FRMD4B: variants seen among roughly 807,000 people sequenced by gnomAD.
The protein encoded by FRMD4B is FERM domain-containing protein 4B.
In FRMD4B, 74 loss-of-function variants were observed where a neutral mutation model predicts 141.5. The ratio of observed to expected loss-of-function variants is 0.52; its 90% CI spans 0.43 to 0.63. The LOEUF (loss-of-function observed/expected upper bound fraction) is 0.63, where lower values mean the gene tolerates loss of function less well. Ranked by LOEUF, FRMD4B falls within the 30% of genes least tolerant of loss-of-function variation. The probability of loss-of-function intolerance (pLI) is 0.00; values close to 1 mark genes in which losing one functional copy is unlikely to be tolerated. For synonymous variants in FRMD4B, 506 were observed against 467.9 expected, an observed-to-expected ratio of 1.08 and a Z score of -1.05; for missense variants, 1,366 against 1,253.4, an observed-to-expected ratio of 1.09 and a Z score of -1.36.
chr3:69,172,152 T>G (rs1192022433), intron 22 of FRMD4B, among the ~76,000 whole-genome samples, 171 bp from the exon 23 acceptor site: 5 of 152,236 alleles, frequency 3.3e-5, no homozygotes, highest in African/African-American at 1.2e-4. Flanking sequence ...AATGTCATAC[T>G]GGAGCATTGT....
At position 69,237,533 on chromosome 3, in the gene FRMD4B, C is replaced by G. The variant is rs74489583; in HGVS notation, c.581+11693G>C. Among the ~76,000 whole-genome samples, 546 of 152,316 alleles carry G rather than the reference C, an allele frequency of 3.6e-3. 1 individual carries two copies. The highest frequency in any genetic ancestry group is 5.4e-3 in the Admixed American group (83 of 15,300). ...CATCCTAAGAAGCTCCTTCACAGGGCTACAGGTGTGAGCATGCAAAGAAGG... is the reference window on the plus strand; with the variant it reads ...CATCCTAAGAAGCTCCTTCACAGGGGTACAGGTGTGAGCATGCAAAGAAGG... On this transcript the variant is annotated intron_variant, in intron 7 of 22. Coordinates refer to ENST00000398540, the MANE Select transcript of FRMD4B (RefSeq NM_015123.3).
intron 3 of FRMD4B, among the ~76,000 whole-genome samples, chr3:69,306,219 T>C (rs1487418009): frequency 6.6e-6 from 1 of 152,206 alleles, no homozygotes; most frequent in African/African-American, 2.4e-5. Context: ...TTTGTCAAAT[T>C]TTCCCATCAG....
chr3:69,275,748 G>T (rs1339242956), intron 5 of FRMD4B, among the ~76,000 whole-genome samples: 1 of 151,880 alleles, frequency 6.6e-6, no homozygotes, highest in East Asian at 1.9e-4. Flanking sequence ...TTATCTTGAT[G>T]CAGTTTTGAA....
intron 1 of FRMD4B, among the ~76,000 whole-genome samples, chr3:69,363,003 A>T (rs111868405): frequency 0.37 from 55,588 of 151,056 alleles, 12,151 homozygotes; most frequent in African/African-American, 0.62. Flanking sequence ...AAAAAAAAAA[A>T]AAACAAACAA....
intron 2 of FRMD4B, among the ~76,000 whole-genome samples, chr3:69,396,387 C>A (rs1704474317): frequency 6.6e-6 from 1 of 152,066 alleles, no homozygotes; most frequent in African/African-American, 2.4e-5. Flanking sequence ...CACCTGTAAT[C>A]CCAATTACTT....
chr3:69,515,981 T>A (rs2107114440), intron 1 of FRMD4B, among the ~76,000 whole-genome samples: 1 of 152,222 alleles, frequency 6.6e-6, no homozygotes, highest in East Asian at 1.9e-4. Flanking sequence ...ATACTTGTGC[T>A]TTGTGAGGGT....
chr3:69,373,695 A>G (rs1450209147), intron 1 of FRMD4B, among the ~76,000 whole-genome samples: 1 of 152,032 alleles, frequency 6.6e-6, no homozygotes, highest in Admixed American at 6.6e-5. Context: ...CAACAACAAG[A>G]TCCCATCTAA....
intron 2 of FRMD4B, among the ~76,000 whole-genome samples, chr3:69,399,314 G>A (rs2106746580): frequency 6.6e-6 from 1 of 152,312 alleles, no homozygotes; most frequent in South Asian, 2.1e-4. Flanking sequence ...ATCTGAGAAT[G>A]GGTGTCCCCA....
intron 2 of FRMD4B, among the ~76,000 whole-genome samples, chr3:69,407,807 C>G (rs531071117): frequency 5.3e-5 from 8 of 152,346 alleles, no homozygotes; most frequent in African/African-American, 1.9e-4. Context: ...TCACCCATTT[C>G]TTTCATTGAG....
At chr3:69,528,721 T>C (rs1013696487) in intron 1 of FRMD4B, among the ~76,000 whole-genome samples, 2 of 151,288 alleles carry the variant, frequency 1.3e-5, no homozygotes, top group Non-Finnish European at 2.9e-5. Context: ...AGGATTCAAG[T>C]GTAAGGTATT....
At chr3:69,367,016 C>T (rs72940789) in intron 1 of FRMD4B, among the ~76,000 whole-genome samples, 3,182 of 152,280 alleles carry the variant, frequency 0.021, 112 homozygotes, top group African/African-American at 0.072. Context: ...ATCCACCCAT[C>T]TCAACCTCCC....
rs185330418 is a variant in FRMD4B, at chr3:69,450,078, C to T, written c.-128-17317G>A. ...TTCCCTGCCAGTAAAATGGGGAGAACGAGGTCACTGATTTCTCAAGGTTGT... is the reference window on the plus strand; with the variant it reads ...TTCCCTGCCAGTAAAATGGGGAGAATGAGGTCACTGATTTCTCAAGGTTGT... On this transcript the variant is annotated intron_variant, in intron 1 of 5. Coordinates refer to the FRMD4B transcript ENST00000459638. 4.9e-4 allele frequency among the ~76,000 whole-genome samples: 74 copies of T among 152,190 alleles called. 1 individual carries two copies. The highest frequency in any genetic ancestry group is 3.7e-3 in the Admixed American group (57 of 15,292).
chr3:69,510,595 T>C lies in FRMD4B; in HGVS notation c.-129+31611A>G, dbSNP rs372565539. ...AAAGGAGCTCAGCCCATGAGTATAC[T>C]TGTAGATCAAAATTTACACGTTTAG... On this transcript the variant is annotated intron_variant, in intron 1 of 5. Transcript: ENST00000459638. 1.6e-3 allele frequency among the ~76,000 whole-genome samples: 238 copies of C among 152,300 alleles called. 5 individuals carry two copies. The South Asian group carries it at 0.049, about 31-fold the overall frequency.
intron 1 of FRMD4B, among the ~76,000 whole-genome samples, chr3:69,362,415 A>G (rs2107467168): frequency 6.6e-6 from 1 of 152,248 alleles, no homozygotes; most frequent in South Asian, 2.1e-4. Context: ...GTTCTCTAGC[A>G]TTTCACTGAG....
chr3:69,511,648 T>A (rs1013305270), intron 1 of FRMD4B, among the ~76,000 whole-genome samples: 42 of 152,192 alleles, frequency 2.8e-4, no homozygotes, highest in Middle Eastern at 3.2e-3. Context: ...TTGTCTAACG[T>A]GCATCTTGGG....
At chr3:69,252,976 T>C (rs1347860980) in intron 5 of FRMD4B, among the ~76,000 whole-genome samples, 2 of 152,104 alleles carry the variant, frequency 1.3e-5, no homozygotes, top group Non-Finnish European at 2.9e-5. Context: ...CCCTCATGGC[T>C]AATTTAACTG....
rs532792724 is a variant in FRMD4B, at chr3:69,522,161, T to A, written c.-129+20045A>T. 1.1e-3 allele frequency among the ~76,000 whole-genome samples: 163 copies of A among 152,256 alleles called. 1 individual carries two copies. Among genetic ancestry groups the A allele is most frequent in the African/African-American group, 3.8e-3 (158 of 41,546 alleles). On this transcript the variant is annotated intron_variant, in intron 1 of 5. Transcript: ENST00000459638. ...TACCCATATACTATCTAGTAAGTCA[T>A]GCTACTGTCCACAAAACCACCTCCC...
At chr3:69,403,008 T>C (rs1704593216) in intron 2 of FRMD4B, among the ~76,000 whole-genome samples, 1 of 152,232 alleles carries the variant, frequency 6.6e-6, no homozygotes, top group Non-Finnish European at 1.5e-5. Context: ...CAACATTTTA[T>C]ATCTGGAACA....
intron 4 of FRMD4B, 50 bp from the exon 5 acceptor site, chr3:69,287,886 A>C (rs1314829064): frequency 6.1e-6 from 5 of 820,274 alleles, no homozygotes; most frequent in Admixed American, 5.1e-5. Context: ...TTCACCTCTC[A>C]GCATTCCTCA....
Sources: allele counts gnomAD v4.1 joint callset (sites outside exome capture counted in the v4.1 genomes callset), GRCh38; gene constraint gnomAD v4.1.1; transcripts MANE v1.5; gene names NCBI Gene and HGNC (gene_info 2026-07-23, HGNC 2026-07-21).